RBFOX1: variants seen among roughly 807,000 people sequenced by gnomAD.
The protein encoded by RBFOX1 is RNA binding protein fox-1 homolog 1.
RBFOX1 carries 8 observed loss-of-function variants against 57.7 expected under a neutral mutation model. That is an observed-to-expected ratio of 0.14 (90% CI 0.08 to 0.25). RBFOX1 has a LOEUF of 0.25. Among genes scored for constraint, RBFOX1 ranks in the 10% least tolerant of loss-of-function variants. The pLI is 1.00. For missense variants in RBFOX1, 611 were observed against 548.5 expected (o/e 1.11, Z -1.14); for synonymous variants, 326 against 222.4 (o/e 1.47, Z -4.15).
chr16:7,218,233 T>A lies in RBFOX1; in HGVS notation c.27+166135T>A, dbSNP rs1210130977. Among the ~76,000 whole-genome samples the A allele has an allele frequency of 2.0e-5, 3 of 152,318 alleles. No individual in the cohort carries two copies. The South Asian group carries it at 6.2e-4, about 32-fold the overall frequency. On this transcript the variant is annotated intron_variant, in intron 4 of 15. Transcript: ENST00000550418. ...TATGTCTTATTTTCCTTCATTAATT[T>A]GGCCAAATCATCTGAAAATCACTAT... is the stretch of plus-strand genomic sequence containing the variant.
intron 3 of RBFOX1, among the ~76,000 whole-genome samples, chr16:6,944,416 GAA>G: frequency 1.4e-5 from 2 of 141,358 alleles, no homozygotes; most frequent in East Asian, 4.2e-4. Context: ...AAAAAAAAAA[GAA>G]AGAAAAGAAA....
chr16:5,414,735 A>G (rs13331370), intron 1 of RBFOX1, among the ~76,000 whole-genome samples: 9,946 of 152,218 alleles, frequency 0.065, 351 homozygotes, highest in African/African-American at 0.091. Context: ...CATCAGTCCA[A>G]GCCTAGAATG....
chr16:7,461,876 C>T (rs2059647237), intron 4 of RBFOX1, among the ~76,000 whole-genome samples: 1 of 152,152 alleles, frequency 6.6e-6, no homozygotes, highest in East Asian at 1.9e-4. Context: ...TGAGAGCCCT[C>T]AGTATCAGAC....
At chr16:7,291,063 G>C (rs947696046) in intron 4 of RBFOX1, among the ~76,000 whole-genome samples, 10 of 152,194 alleles carry the variant, frequency 6.6e-5, no homozygotes, top group Non-Finnish European at 1.3e-4. Flanking sequence ...TTCAGCCAAA[G>C]AGCATATATT....
rs562882525 is a variant in RBFOX1, at chr16:6,114,375, G to T, written c.-127+94383G>T. Among the ~76,000 whole-genome samples the T allele has an allele frequency of 2.0e-4, 30 of 152,290 alleles. 1 individual carries two copies. In the South Asian group the frequency reaches 4.6e-3, roughly 23 times the overall value. ...TATCTCATGCGGCATTAAATTGTTG[G>T]ACTGTCTTTGAAATTGAAGACAATG... is the stretch of plus-strand genomic sequence containing the variant. On this transcript the variant is annotated intron_variant, in intron 1 of 15. Coordinates refer to ENST00000550418, the MANE Select transcript of RBFOX1 (RefSeq NM_018723.4).
chr16:7,503,941 T>G (rs2071876776), intron 4 of RBFOX1, among the ~76,000 whole-genome samples: 1 of 152,202 alleles, frequency 6.6e-6, no homozygotes, highest in African/African-American at 2.4e-5. Flanking sequence ...CTGAGCTTTC[T>G]GGTCTTGACT....
intron 1 of RBFOX1, among the ~76,000 whole-genome samples, chr16:5,401,755 C>A (rs200636271): frequency 7.3e-6 from 1 of 136,904 alleles, no homozygotes; most frequent in South Asian, 2.3e-4. Context: ...CTCTCTCTCT[C>A]CCTGTCTCTC....
chr16:6,702,607 A>C (rs926588824), intron 3 of RBFOX1, among the ~76,000 whole-genome samples: 9 of 152,138 alleles, frequency 5.9e-5, no homozygotes. Flanking sequence ...CTTCCCAAAA[A>C]GTTCTGCTGA....
At chr16:5,595,903 G>T (rs1171333852) in intron 2 of RBFOX1, among the ~76,000 whole-genome samples, 1 of 152,200 alleles carries the variant, frequency 6.6e-6, no homozygotes, top group Non-Finnish European at 1.5e-5. Flanking sequence ...CCAGGGTATG[G>T]AGAGGTGTAA....
chr16:7,336,291 G>T (rs1305778062), intron 4 of RBFOX1, among the ~76,000 whole-genome samples: 1 of 152,196 alleles, frequency 6.6e-6, no homozygotes. Flanking sequence ...CTAATGTGTT[G>T]GCTCTGGGCT....
At chr16:5,802,815 A>C (rs1292006340) in intron 3 of RBFOX1, among the ~76,000 whole-genome samples, 1 of 152,182 alleles carries the variant, frequency 6.6e-6, no homozygotes, top group Non-Finnish European at 1.5e-5. Flanking sequence ...CCATCTATAC[A>C]CATATGAATG....
At position 6,959,207 on chromosome 16, in the gene RBFOX1, T is replaced by C. The variant is rs554323448; in HGVS notation, c.-15-92850T>C. ...GTGAAATACTCGCTCGATTTCAGATTGTACTTAAAAAGTACCTCTCTTTGC... is the reference window on the plus strand; with the variant it reads ...GTGAAATACTCGCTCGATTTCAGATCGTACTTAAAAAGTACCTCTCTTTGC... On this transcript the variant is annotated intron_variant, in intron 3 of 15. Coordinates refer to ENST00000550418, the MANE Select transcript of RBFOX1 (RefSeq NM_018723.4). Among the ~76,000 whole-genome samples the C allele has an allele frequency of 1.7e-3, 257 of 152,344 alleles. 1 individual carries two copies. Among genetic ancestry groups the C allele is most frequent in the African/African-American group, 5.8e-3 (243 of 41,584 alleles).
At chr16:6,373,160 G>C (rs2090709572) in intron 2 of RBFOX1, among the ~76,000 whole-genome samples, 1 of 152,148 alleles carries the variant, frequency 6.6e-6, no homozygotes, top group African/African-American at 2.4e-5. Flanking sequence ...TAGGATCTTT[G>C]GGTAGGAGGA....
intron 3 of RBFOX1, among the ~76,000 whole-genome samples, chr16:5,778,419 C>G (rs1472887040): frequency 2.6e-5 from 4 of 152,174 alleles, no homozygotes; most frequent in African/African-American, 4.8e-5. Context: ...GGTTCACAAT[C>G]TGATGGGCTT....
chr16:6,624,366 G>A (rs1295062809), intron 2 of RBFOX1, among the ~76,000 whole-genome samples: 1 of 151,998 alleles, frequency 6.6e-6, no homozygotes, highest in Non-Finnish European at 1.5e-5. Context: ...ATTTTTTTCT[G>A]GTTTTGGTGA....
At chr16:6,605,052 G>T (rs1034467047) in intron 2 of RBFOX1, among the ~76,000 whole-genome samples, 2 of 151,892 alleles carry the variant, frequency 1.3e-5, no homozygotes, top group African/African-American at 4.8e-5. Context: ...ATAAACACAT[G>T]CACAACGTGT....
intron 4 of RBFOX1, among the ~76,000 whole-genome samples, chr16:5,931,016 G>C (rs1261959031): frequency 6.6e-6 from 1 of 152,006 alleles, no homozygotes; most frequent in East Asian, 1.9e-4. Flanking sequence ...GTGGTTGAAT[G>C]GATGGATAGA....
chr16:7,266,607 G>C (rs1034684805), intron 4 of RBFOX1, among the ~76,000 whole-genome samples: 4 of 152,168 alleles, frequency 2.6e-5, no homozygotes, highest in Admixed American at 1.3e-4. Flanking sequence ...TCGCGTTGGA[G>C]GTTAGGGCTT....
intron 4 of RBFOX1, among the ~76,000 whole-genome samples, chr16:7,200,746 A>G (rs2088161214): frequency 6.6e-6 from 1 of 152,192 alleles, no homozygotes; most frequent in Non-Finnish European, 1.5e-5. Context: ...TTAAGATGGC[A>G]GTGAAAATTA....
Sources: allele counts gnomAD v4.1 joint callset (sites outside exome capture counted in the v4.1 genomes callset), GRCh38; gene constraint gnomAD v4.1.1; transcripts MANE v1.5; gene names NCBI Gene and HGNC (gene_info 2026-07-23, HGNC 2026-07-21).